PARD3: variants seen among roughly 807,000 people sequenced by gnomAD.
PARD3 encodes the protein partitioning defective 3 homolog.
Under a neutral mutation model 155.4 loss-of-function variants are expected in PARD3, and 75 were observed. That is an observed-to-expected ratio of 0.48 (90% CI 0.40 to 0.58). The LOEUF is 0.58. Among genes scored for constraint, PARD3 ranks in the 20% least tolerant of loss-of-function variants. The pLI, the probability that PARD3 is intolerant of heterozygous loss-of-function variation, is 0.00. For missense variants in PARD3, 1,642 were observed against 1,721.7 expected, an observed-to-expected ratio of 0.95 and a Z score of 0.82; for synonymous variants, 576 against 610.5, an observed-to-expected ratio of 0.94 and a Z score of 0.83.
At chr10:34,377,879 A>T in intron 10 of PARD3, 88 bp downstream of exon 10, 1 of 1,074,518 alleles carries the variant, frequency 9.3e-7, no homozygotes, top group Non-Finnish European at 1.3e-6. Context: ...ACTGAATTTC[A>T]TATTTTATGA....
At chr10:34,798,652 C>T (rs1268150237) in intron 1 of PARD3, among the ~76,000 whole-genome samples, 1 of 140,264 alleles carries the variant, frequency 7.1e-6, no homozygotes, top group Admixed American at 7.3e-5. Flanking sequence ...TTGCAGTGAG[C>T]CGAGATGTCG....
intron 20 of PARD3, among the ~76,000 whole-genome samples, chr10:34,314,585 G>C (rs1388074900): frequency 6.6e-6 from 1 of 152,132 alleles, no homozygotes; most frequent in Non-Finnish European, 1.5e-5. Context: ...ATGTTGCTCT[G>C]CTGGGAGAAG....
intron 1 of PARD3, among the ~76,000 whole-genome samples, chr10:34,710,884 C>A (rs1287215275): frequency 2.0e-5 from 3 of 152,148 alleles, no homozygotes; most frequent in Non-Finnish European, 4.4e-5. Context: ...AGTTTATAAA[C>A]CATCCCCTTG....
chr10:34,673,004 C>T (rs1252128713), intron 2 of PARD3, among the ~76,000 whole-genome samples: 4 of 152,186 alleles, frequency 2.6e-5, no homozygotes, highest in African/African-American at 9.7e-5. Flanking sequence ...TCTCTCTGAC[C>T]TATATGTACT....
chr10:34,473,268 ACCT>A (rs1466804421), intron 3 of PARD3, among the ~76,000 whole-genome samples: 1 of 152,102 alleles, frequency 6.6e-6, no homozygotes, highest in Non-Finnish European at 1.5e-5. Flanking sequence ...TATTTGCACT[ACCT>A]CGTCACTGAG....
At chr10:34,756,604 C>T (rs910757069) in intron 1 of PARD3, among the ~76,000 whole-genome samples, 1 of 151,614 alleles carries the variant, frequency 6.6e-6, no homozygotes, top group African/African-American at 2.4e-5. Context: ...CAGGCATGCA[C>T]CACCACACTT....
At chr10:34,244,771 T>A (rs954003864) in intron 22 of PARD3, among the ~76,000 whole-genome samples, 1 of 152,236 alleles carries the variant, frequency 6.6e-6, no homozygotes, top group Non-Finnish European at 1.5e-5. Context: ...ATTAAGTATC[T>A]TGAAGTCATC....
At chr10:34,738,382 G>A (rs1005661230) in intron 1 of PARD3, among the ~76,000 whole-genome samples, 4 of 152,140 alleles carry the variant, frequency 2.6e-5, no homozygotes, top group Non-Finnish European at 5.9e-5. Flanking sequence ...TCACTATATT[G>A]CCCAGGCTGG....
At chr10:34,725,153 CAGAGAG>C (rs34163907) in intron 1 of PARD3, among the ~76,000 whole-genome samples, 42 of 127,502 alleles carry the variant, frequency 3.3e-4, no homozygotes, top group African/African-American at 8.2e-4. Context: ...GTGTGTGTGA[CAGAGAG>C]AGAGAGAGAG....
At chr10:34,121,913 G>A (rs979492493) in intron 23 of PARD3, among the ~76,000 whole-genome samples, 1 of 152,152 alleles carries the variant, frequency 6.6e-6, no homozygotes, top group African/African-American at 2.4e-5. Context: ...AAAACACTTC[G>A]CTGAGCGAGT....
Position 34,559,769 on chromosome 10 carries a change from T to C in PARD3, c.223-42610A>G, listed in dbSNP as rs936390349. On this transcript the variant is annotated intron_variant, in intron 2 of 24. Transcript: ENST00000374788. ...AAGGATGACTCCCAGGACAGCGATA[T>C]AATTTGACCTTACCTACTTGATGAG... Among the ~76,000 whole-genome samples, 4 of 152,138 alleles carry C rather than the reference T, an allele frequency of 2.6e-5. No homozygotes were observed. The South Asian group carries it at 6.2e-4, about 24-fold the overall frequency.
chr10:34,650,922 A>T (rs2133051429), intron 2 of PARD3, among the ~76,000 whole-genome samples: 1 of 149,276 alleles, frequency 6.7e-6, no homozygotes, highest in African/African-American at 2.5e-5. Context: ...GAGGCAGGAA[A>T]ATCGCTTGAA....
At chr10:34,544,668 T>A (rs1233409529) in intron 2 of PARD3, among the ~76,000 whole-genome samples, 5 of 152,146 alleles carry the variant, frequency 3.3e-5, no homozygotes, top group Admixed American at 1.3e-4. Flanking sequence ...AAATCTGTAA[T>A]ACCAACTCAA....
rs1055270182 is a variant in PARD3, at chr10:34,371,507, A to C, written c.1707+991T>G. ...GACTCAAAAAAAAAAAAAAAAAAAA[A>C]AAAAAAAAAAAAAAAAAAAAAAAAA... On this transcript the variant is annotated intron_variant, in intron 12 of 24. Coordinates refer to ENST00000374788, the MANE Select transcript of PARD3 (RefSeq NM_001184785.2). 1.7e-3 allele frequency among the ~76,000 whole-genome samples: 199 copies of C among 118,706 alleles called. 14 individuals carry two copies. The highest frequency in any genetic ancestry group is 4.2e-3 in the African/African-American group (130 of 31,242). 77.9% of individuals were successfully genotyped at this position (118,706 alleles called of 152,430 possible). A position where few individuals can be genotyped will look rare whatever the true frequency, so the allele number is the denominator to read the frequency against.
chr10:34,499,613 CT>C (rs764852802), intron 3 of PARD3, among the ~76,000 whole-genome samples: 1 of 151,866 alleles, frequency 6.6e-6, no homozygotes, highest in South Asian at 2.1e-4. Flanking sequence ...AAACATGGAT[CT>C]GTTGAAATTT....
chr10:34,650,959 C>T (rs1480528255), intron 2 of PARD3, among the ~76,000 whole-genome samples: 1 of 128,378 alleles, frequency 7.8e-6, no homozygotes, highest in African/African-American at 3.0e-5. Context: ...TGTGGTGAGC[C>T]GAGATTGTGC....
intron 22 of PARD3, among the ~76,000 whole-genome samples, chr10:34,145,211 ATATATATATATT>A (rs1948420942): frequency 4.6e-5 from 3 of 64,616 alleles, no homozygotes; most frequent in Admixed American, 4.3e-4. Flanking sequence ...ATATATATAT[ATATATATATATT>A]TTTTTTTTTT....
At chr10:34,284,091 A>C in intron 21 of PARD3, 44 bp downstream of exon 21, 1 of 1,049,752 alleles carries the variant, frequency 9.5e-7, no homozygotes, top group Non-Finnish European at 1.4e-6. Context: ...AAAAAAAAAA[A>C]GAACCTCTTT....
In PARD3 at chr10:34,758,521, G is replaced by A. The variant is rs1164561037; in HGVS notation, c.120+56355C>T. Among the ~76,000 whole-genome samples, 3 of 152,326 alleles carry A rather than the reference G, an allele frequency of 2.0e-5. No homozygotes were observed. In the South Asian group the frequency reaches 6.2e-4, roughly 32 times the overall value. ...GAGGCAAGTGAATTGTCACTGGGAAGTCACTGTGTTGCCCACAATTTCCTT... is the reference window on the plus strand; with the variant it reads ...GAGGCAAGTGAATTGTCACTGGGAAATCACTGTGTTGCCCACAATTTCCTT... On this transcript the variant is annotated intron_variant, in intron 1 of 24. Coordinates refer to ENST00000374788, the MANE Select transcript of PARD3 (RefSeq NM_001184785.2).
Sources: gnomAD v4.1 joint callset for allele counts (sites outside exome capture counted in the v4.1 genomes callset) on GRCh38, gnomAD v4.1.1 for gene constraint, MANE v1.5 for transcripts, NCBI Gene and HGNC (gene_info 2026-07-23, HGNC 2026-07-21) for gene names.